NELL1: variants seen among roughly 807,000 people sequenced by gnomAD.
NELL1 encodes the protein protein kinase C-binding protein NELL1.
Under a neutral mutation model 107.4 loss-of-function variants are expected in NELL1, and 76 were observed. The ratio of observed to expected loss-of-function variants is 0.71; its 90% confidence interval spans 0.59 to 0.86. The LOEUF is 0.86. Ranked by LOEUF, NELL1 falls within the 40% of genes least tolerant of loss-of-function variation. The pLI is 0.00. For missense variants in NELL1, 1,024 were observed against 1,005.5 expected (o/e 1.02, Z -0.25); for synonymous variants, 353 against 341.2 (o/e 1.03, Z -0.38).
chr11:20,827,695 A>G (rs1202161253), intron 3 of NELL1, among the ~76,000 whole-genome samples: 2 of 151,336 alleles, frequency 1.3e-5, no homozygotes, highest in South Asian at 2.1e-4. Context: ...ACTCAAGCAT[A>G]TGGCCACACC....
At chr11:21,541,237 C>T (rs1856285880) in intron 16 of NELL1, among the ~76,000 whole-genome samples, 1 of 152,106 alleles carries the variant, frequency 6.6e-6, no homozygotes, top group African/African-American at 2.4e-5. Context: ...TACCTGTTGG[C>T]CTTCCATTGT....
At chr11:21,124,508 T>G (rs1438301173) in intron 13 of NELL1, among the ~76,000 whole-genome samples, 1 of 151,988 alleles carries the variant, frequency 6.6e-6, no homozygotes, top group Non-Finnish European at 1.5e-5. Flanking sequence ...TTATAAACAA[T>G]AGGAATTTCT....
intron 16 of NELL1, among the ~76,000 whole-genome samples, chr11:21,541,891 T>TAAC (rs2133979448): frequency 6.6e-6 from 1 of 152,194 alleles, no homozygotes; most frequent in East Asian, 1.9e-4. Flanking sequence ...ATGAAAACAA[T>TAAC]AACAGTAATA....
chr11:20,771,815 T>C (rs1261857475), intron 2 of NELL1, among the ~76,000 whole-genome samples: 2 of 152,196 alleles, frequency 1.3e-5, no homozygotes, highest in South Asian at 2.1e-4. Context: ...TTTGAAACAT[T>C]AGCTGTTCAC....
intron 13 of NELL1, among the ~76,000 whole-genome samples, 189 bp downstream of exon 13, chr11:21,113,903 C>T (rs1329760898): frequency 3.3e-5 from 5 of 151,950 alleles, no homozygotes; most frequent in Admixed American, 3.3e-4. Flanking sequence ...GATTTCCACT[C>T]CCAATATTTC....
chr11:21,518,542 A>G (rs1855633103), intron 15 of NELL1, among the ~76,000 whole-genome samples: 1 of 152,216 alleles, frequency 6.6e-6, no homozygotes, highest in East Asian at 1.9e-4. Context: ...ATCAAATTGT[A>G]TTCCTCCTTT....
chr11:21,152,396 G>A (rs561714580), intron 13 of NELL1, among the ~76,000 whole-genome samples: 1 of 152,220 alleles, frequency 6.6e-6, no homozygotes, highest in East Asian at 1.9e-4. Context: ...TTAAAATGAG[G>A]TGCATACTAA....
chr11:21,298,171 C>T (rs1849412173), intron 14 of NELL1, among the ~76,000 whole-genome samples: 1 of 151,994 alleles, frequency 6.6e-6, no homozygotes, highest in Non-Finnish European at 1.5e-5. Context: ...ATACTCTTTA[C>T]ATTGGTTAAT....
chr11:21,088,759 T>C lies in NELL1; in HGVS notation c.1301-24830T>C, dbSNP rs146180141. Among the ~76,000 whole-genome samples the C allele has an allele frequency of 7.3e-3, 1,105 of 152,332 alleles. 18 individuals are homozygous for C. Among genetic ancestry groups the C allele is most frequent in the African/African-American group, 0.024 (1,008 of 41,574 alleles). The stretch of plus-strand genomic sequence containing the variant: ...AAATGGTTATAGAGGGCAATGTTCA[T>C]ACTCTTTGGGAGATTTGAAACATAG... On this transcript the variant is annotated intron_variant, in intron 12 of 19. Coordinates refer to ENST00000357134, the MANE Select transcript of NELL1 (RefSeq NM_006157.5).
intron 18 of NELL1, among the ~76,000 whole-genome samples, chr11:21,572,807 C>T (rs144927494): frequency 2.0e-5 from 3 of 151,740 alleles, no homozygotes; most frequent in African/African-American, 7.3e-5. Flanking sequence ...TATTTATTAG[C>T]CTTTATTGAC....
chr11:21,320,781 C>T (rs191801962), intron 14 of NELL1, among the ~76,000 whole-genome samples: 72 of 152,272 alleles, frequency 4.7e-4, no homozygotes, highest in Non-Finnish European at 5.9e-5. Context: ...ATTTTCCATT[C>T]CACTTGCTGC....
chr11:20,700,285 C>T lies in NELL1; in HGVS notation c.184+22225C>T, dbSNP rs904414299. On this transcript the variant is annotated intron_variant, in intron 2 of 19. Coordinates refer to ENST00000357134, the MANE Select transcript of NELL1 (RefSeq NM_006157.5). Reference sequence around the variant, plus strand: ...CATGAGGTCAGGAGTTCAAGAACAGCCTGGCCAATATAGTGAAACCCCGTC... The same window carrying T: ...CATGAGGTCAGGAGTTCAAGAACAGTCTGGCCAATATAGTGAAACCCCGTC... Among the ~76,000 whole-genome samples the T allele has an allele frequency of 2.6e-5, 4 of 152,032 alleles. No homozygotes were observed. In the East Asian group the frequency reaches 7.7e-4, roughly 29 times the overall value.
At chr11:21,505,444 G>A (rs1034671157) in intron 15 of NELL1, among the ~76,000 whole-genome samples, 8 of 152,064 alleles carry the variant, frequency 5.3e-5, no homozygotes, top group African/African-American at 1.9e-4. Context: ...CTAAACTTTA[G>A]GAGGACTTAA....
intron 13 of NELL1, among the ~76,000 whole-genome samples, chr11:21,200,746 CT>C (rs1335131512): frequency 1.3e-5 from 2 of 152,110 alleles, no homozygotes; most frequent in African/African-American, 2.4e-5. Flanking sequence ...AGGTTTTCTT[CT>C]AGGGTTTTTA....
chr11:20,825,279 A>G (rs1488743744), intron 3 of NELL1, among the ~76,000 whole-genome samples: 1 of 151,320 alleles, frequency 6.6e-6, no homozygotes, highest in African/African-American at 2.4e-5. Flanking sequence ...CACAATCCCC[A>G]CTGGGTCACT....
intron 14 of NELL1, among the ~76,000 whole-genome samples, chr11:21,324,566 T>G (rs1590837760): frequency 6.6e-6 from 1 of 152,088 alleles, no homozygotes; most frequent in African/African-American, 2.4e-5. Context: ...ATTAGTGATT[T>G]TTCAGTCAAC....
chr11:21,495,854 T>A (rs1854963438), intron 15 of NELL1, among the ~76,000 whole-genome samples: 1 of 152,150 alleles, frequency 6.6e-6, no homozygotes, highest in African/African-American at 2.4e-5. Flanking sequence ...AAACGGGTTG[T>A]CTCTTTTCTT....
At chr11:21,317,596 C>T (rs1211703177) in intron 14 of NELL1, among the ~76,000 whole-genome samples, 1 of 151,782 alleles carries the variant, frequency 6.6e-6, no homozygotes, top group African/African-American at 2.4e-5. Flanking sequence ...CAGCGCAGAC[C>T]CTTCCTTGCG....
chr11:20,792,241 T>A (rs903229378), intron 3 of NELL1, among the ~76,000 whole-genome samples: 1 of 152,066 alleles, frequency 6.6e-6, no homozygotes, highest in Non-Finnish European at 1.5e-5. Flanking sequence ...GGTATATAAT[T>A]GTGTAAGCTG....
Sources: gnomAD v4.1 joint callset for allele counts (sites outside exome capture counted in the v4.1 genomes callset) on GRCh38, gnomAD v4.1.1 for gene constraint, MANE v1.5 for transcripts, NCBI Gene and HGNC (gene_info 2026-07-23, HGNC 2026-07-21) for gene names.